PARL: variants seen among roughly 807,000 people sequenced by gnomAD.
PARL encodes the protein presenilin associated rhomboid like.
A neutral mutation model predicts 51.6 loss-of-function variants in PARL; 44 were observed. That is an observed-to-expected ratio of 0.85 (90% CI 0.67 to 1.10). The LOEUF (loss-of-function observed/expected upper bound fraction) is 1.10. Among genes scored for constraint, PARL ranks in the 50% least tolerant of loss-of-function variants. PARL has a pLI of 0.00. For missense variants in PARL, 441 were observed against 469.5 expected (o/e 0.94, Z 0.56); for synonymous variants, 172 against 164.0 (o/e 1.05, Z -0.37).
At chr3:183,835,730 G>A (rs929082662) in intron 7 of PARL, among the ~76,000 whole-genome samples, 19 of 152,164 alleles carry the variant, frequency 1.2e-4, no homozygotes, top group African/African-American at 4.6e-4. Flanking sequence ...AGCCAGACGT[G>A]GTGGTGGGCG....
rs137977056 is a variant in PARL, at chr3:183,829,311, C to G, written c.*287G>C. 1.6e-3 allele frequency: 1,563 copies of G among 973,886 alleles called. 5 individuals carry two copies. The highest frequency in any genetic ancestry group is 1.7e-3 in the Non-Finnish European group (1,192 of 714,570). The allele number at this position is 973,886 out of a possible 1,614,324, so 60.3% of individuals were successfully genotyped here. On this transcript the variant is annotated 3_prime_UTR_variant, in exon 10 of 10. Coordinates refer to ENST00000317096, the MANE Select transcript of PARL (RefSeq NM_018622.7). ...TCAGGCCTTTCAGGGTGCACTCTCCCCAGGTCCTGTCAATGCAACAACCAA... is the reference window on the plus strand; with the variant it reads ...TCAGGCCTTTCAGGGTGCACTCTCCGCAGGTCCTGTCAATGCAACAACCAA...
At chr3:183,872,926 A>G (rs1733379119) in intron 1 of PARL, among the ~76,000 whole-genome samples, 1 of 152,158 alleles carries the variant, frequency 6.6e-6, no homozygotes, top group Non-Finnish European at 1.5e-5. Flanking sequence ...TGAGCCACTG[A>G]GCAAAGACAC....
chr3:183,832,238 A>G (rs1243988865), intron 9 of PARL, among the ~76,000 whole-genome samples: 1 of 145,676 alleles, frequency 6.9e-6, no homozygotes, highest in African/African-American at 2.6e-5. Flanking sequence ...TTTTTTTTTG[A>G]GACAGAGTCT....
intron 3 of PARL, among the ~76,000 whole-genome samples, chr3:183,864,393 T>C (rs1732196500): frequency 6.6e-6 from 1 of 151,994 alleles, no homozygotes. Context: ...AATGTGTCAT[T>C]AAAAAAACAG....
At chr3:183,864,458 T>C (rs1036062732) in intron 3 of PARL, among the ~76,000 whole-genome samples, 14 of 152,016 alleles carry the variant, frequency 9.2e-5, no homozygotes, top group African/African-American at 3.4e-4. Flanking sequence ...AATCTCAGTG[T>C]TCAATATGTA....
intron 1 of PARL, among the ~76,000 whole-genome samples, chr3:183,882,269 TTATA>T (rs1160451429): frequency 1.3e-4 from 4 of 30,476 alleles, no homozygotes; most frequent in South Asian, 1.8e-3. Context: ...ATATATATAT[TTATA>T]TATATATATA....
chr3:183,877,663 C>T (rs772808344), intron 1 of PARL, among the ~76,000 whole-genome samples: 16 of 152,278 alleles, frequency 1.1e-4, no homozygotes, highest in Middle Eastern at 3.4e-3. Flanking sequence ...AGGCAAGACC[C>T]TCCACCAGCA....
At chr3:183,882,292 CATAT>C (rs530676970) in intron 1 of PARL, among the ~76,000 whole-genome samples, 2 of 100,962 alleles carry the variant, frequency 2.0e-5, no homozygotes, top group African/African-American at 3.6e-5. Flanking sequence ...TACACACACA[CATAT>C]ATATACACAC....
chr3:183,867,816 C>A (rs773980477), intron 2 of PARL, 49 bp downstream of exon 2: 2 of 1,360,840 alleles, frequency 1.5e-6, no homozygotes, highest in Non-Finnish European at 2.1e-6. Context: ...AGTACTTTAA[C>A]ACTGCATTTC....
chr3:183,845,435 T>C (rs1729834310), intron 4 of PARL, among the ~76,000 whole-genome samples: 1 of 152,230 alleles, frequency 6.6e-6, no homozygotes, highest in Non-Finnish European at 1.5e-5. Context: ...TTATAACTGG[T>C]AGCATTTTTT....
At chr3:183,883,612 A>G in intron 1 of PARL, 1 of 984,950 alleles carries the variant, frequency 1.0e-6, no homozygotes, top group African/African-American at 1.7e-5. Flanking sequence ...ATGCAATCTC[A>G]AATGGGATTA....
chr3:183,848,302 C>T (rs1002559323), intron 4 of PARL, among the ~76,000 whole-genome samples: 13 of 152,254 alleles, frequency 8.5e-5, no homozygotes, highest in African/African-American at 2.4e-4. Flanking sequence ...AGTGCAGTGG[C>T]GCAATCTCCG....
intron 3 of PARL, among the ~76,000 whole-genome samples, chr3:183,863,786 G>A (rs768498615): frequency 1.3e-5 from 2 of 152,046 alleles, no homozygotes; most frequent in Non-Finnish European, 2.9e-5. Flanking sequence ...CCAGAACTTC[G>A]TGTATAGTGG....
chr3:183,837,827 AT>A lies in PARL; in HGVS notation c.828+2742del, dbSNP rs543366079. 2.2e-3 allele frequency among the ~76,000 whole-genome samples: 328 copies of A among 152,128 alleles called. 1 individual carries two copies. The highest frequency in any genetic ancestry group is 7.7e-3 in the African/African-American group (319 of 41,512). ...ATCTCAACTTGAATAAGAAAAGACA[AT>A]TGGCCGGGTGTAGTGGCTCACACCA... On this transcript the variant is annotated intron_variant, in intron 7 of 9. Coordinates refer to ENST00000317096, the MANE Select transcript of PARL (RefSeq NM_018622.7).
intron 2 of PARL, 26 bp downstream of exon 2, chr3:183,867,839 T>A: frequency 6.5e-7 from 1 of 1,535,850 alleles, no homozygotes; most frequent in Middle Eastern, 2.2e-4. Flanking sequence ...GCAAGGTAGG[T>A]AACTCCTAGC....
intron 3 of PARL, among the ~76,000 whole-genome samples, chr3:183,863,799 C>T (rs1246976348): frequency 6.6e-6 from 1 of 151,996 alleles, no homozygotes; most frequent in Non-Finnish European, 1.5e-5. Flanking sequence ...TATAGTGGCA[C>T]GAAAGGGGTT....
At chr3:183,842,932 C>T (rs1436616344) in intron 5 of PARL, among the ~76,000 whole-genome samples, 5 of 147,376 alleles carry the variant, frequency 3.4e-5, no homozygotes, top group African/African-American at 1.3e-4. Context: ...TGCAGTGGCA[C>T]GATCTTGGCT....
intron 7 of PARL, among the ~76,000 whole-genome samples, chr3:183,838,316 T>C (rs1232673372): frequency 2.0e-5 from 3 of 152,228 alleles, no homozygotes; most frequent in Non-Finnish European, 4.4e-5. Context: ...CGTGAGCCAC[T>C]GTGCCTGGCT....
intron 4 of PARL, among the ~76,000 whole-genome samples, chr3:183,853,028 C>G (rs768701346): frequency 1.1e-4 from 16 of 151,948 alleles, no homozygotes; most frequent in Admixed American, 5.9e-4. Flanking sequence ...TATAAAACTC[C>G]TAGAAGAAAA....
Sources: allele counts gnomAD v4.1 joint callset (sites outside exome capture counted in the v4.1 genomes callset), GRCh38; gene constraint gnomAD v4.1.1; transcripts MANE v1.5; gene names NCBI Gene and HGNC (gene_info 2026-07-23, HGNC 2026-07-21).